Variants in ROR1 observed in about 807,000 individuals in gnomAD.
ROR1 encodes ROR family WNT receptor 1.
Under a neutral mutation model 78.8 loss-of-function variants are expected in ROR1, and 19 were observed. The observed-to-expected ratio is 0.24, with a 90% CI of 0.17 to 0.35. The LOEUF (loss-of-function observed/expected upper bound fraction) is 0.35. Among genes scored for constraint, ROR1 ranks in the 10% least tolerant of loss-of-function variants. The pLI, the probability that ROR1 is intolerant of heterozygous loss-of-function variation, is 1.00. For synonymous variants in ROR1, 386 were observed against 433.6 expected, an observed-to-expected ratio of 0.89 and a Z score of 1.36; for missense variants, 917 against 1,177.8, an observed-to-expected ratio of 0.78 and a Z score of 3.24.
chr1:63,948,067 CG>C (rs1451673153), intron 1 of ROR1, among the ~76,000 whole-genome samples: 1 of 152,112 alleles, frequency 6.6e-6, no homozygotes, highest in African/African-American at 2.4e-5. Flanking sequence ...CGCACAGAAT[CG>C]TTAGATCACT....
chr1:63,842,698 G>A (rs1645056406), intron 1 of ROR1, among the ~76,000 whole-genome samples: 2 of 150,662 alleles, frequency 1.3e-5, no homozygotes, highest in South Asian at 2.1e-4. Context: ...TTTTTTAATC[G>A]AAAGTGCCTT....
Position 63,824,889 on chromosome 1 carries a change from G to A in ROR1, c.91+50381G>A, listed in dbSNP as rs183836777. The stretch of plus-strand genomic sequence containing the variant: ...TATAATGTCTTTCTTTACAAACACT[G>A]TTGAATCCTGCTTTATTTCTCTTAA... On this transcript the variant is annotated intron_variant, in intron 1 of 8. Transcript: ENST00000371079. Among the ~76,000 whole-genome samples the A allele has an allele frequency of 2.0e-3, 298 of 152,136 alleles. 2 individuals are homozygous for A. The highest frequency in any genetic ancestry group is 6.6e-3 in the African/African-American group (274 of 41,476).
At chr1:63,937,094 AG>A (rs762278251) in intron 1 of ROR1, among the ~76,000 whole-genome samples, 38 of 152,206 alleles carry the variant, frequency 2.5e-4, no homozygotes, top group Non-Finnish European at 4.7e-4. Flanking sequence ...TAATTGGCCA[AG>A]GAATTGGGCC....
chr1:63,994,628 C>T (rs17125923), intron 1 of ROR1, among the ~76,000 whole-genome samples: 5,108 of 152,156 alleles, frequency 0.034, 275 homozygotes, highest in African/African-American at 0.11. Flanking sequence ...CAGTGTGGGA[C>T]GGTGACATGA....
intron 7 of ROR1, chr1:64,143,391 G>C (rs905519215): frequency 1.9e-5 from 19 of 974,812 alleles, no homozygotes; most frequent in Non-Finnish European, 2.3e-5. Context: ...GAAAATGTTG[G>C]TGAAACCTGG....
At chr1:64,139,982 T>C in intron 5 of ROR1, 127 bp from the exon 6 acceptor site, 1 of 828,790 alleles carries the variant, frequency 1.2e-6, no homozygotes, top group African/African-American at 1.7e-5. Flanking sequence ...TCTCCTTCTC[T>C]GGGCCTTGTC....
At chr1:64,019,403 G>A (rs1646546715) in intron 2 of ROR1, among the ~76,000 whole-genome samples, 2 of 152,092 alleles carry the variant, frequency 1.3e-5, no homozygotes, top group Admixed American at 6.6e-5. Flanking sequence ...TGTAAAATGG[G>A]GAGAATACCA....
intron 4 of ROR1, among the ~76,000 whole-genome samples, chr1:64,068,159 G>A (rs1427393141): frequency 6.6e-6 from 1 of 152,130 alleles, no homozygotes; most frequent in Admixed American, 6.6e-5. Context: ...ATATTGATCC[G>A]TGTTAAATGT....
At chr1:63,815,503 G>C (rs1289105601) in intron 1 of ROR1, among the ~76,000 whole-genome samples, 1 of 88,664 alleles carries the variant, frequency 1.1e-5, no homozygotes, top group Non-Finnish European at 2.0e-5. Flanking sequence ...TTTTTTTTGA[G>C]TACTCATGAA....
chr1:64,030,930 G>A (rs370269780), intron 2 of ROR1, among the ~76,000 whole-genome samples: 11 of 151,924 alleles, frequency 7.2e-5, no homozygotes, highest in African/African-American at 9.7e-5. Flanking sequence ...CTCACTCTTC[G>A]CCCAGACATG....
At chr1:64,132,147 C>A (rs1401857033) in intron 4 of ROR1, among the ~76,000 whole-genome samples, 1 of 152,190 alleles carries the variant, frequency 6.6e-6, no homozygotes, top group African/African-American at 2.4e-5. Flanking sequence ...TAAATGGGAT[C>A]ATACAATATG....
At chr1:63,895,052 T>C (rs1214474487) in intron 1 of ROR1, among the ~76,000 whole-genome samples, 1 of 152,182 alleles carries the variant, frequency 6.6e-6, no homozygotes, top group Non-Finnish European at 1.5e-5. Context: ...ACACATGACA[T>C]GGAGAAAGTT....
chr1:63,921,137 G>T (rs1645651187), intron 1 of ROR1, among the ~76,000 whole-genome samples: 2 of 152,108 alleles, frequency 1.3e-5, no homozygotes, highest in Admixed American at 1.3e-4. Context: ...GAAGTAACTC[G>T]GTAATCACCT....
chr1:63,915,353 G>A (rs778490527), intron 1 of ROR1, among the ~76,000 whole-genome samples: 3 of 152,156 alleles, frequency 2.0e-5, no homozygotes, highest in Non-Finnish European at 2.9e-5. Context: ...GTGGGATACA[G>A]GCTCTAAGAA....
intron 1 of ROR1, among the ~76,000 whole-genome samples, chr1:63,989,082 G>A (rs1392898634): frequency 6.6e-6 from 1 of 151,264 alleles, no homozygotes; most frequent in African/African-American, 2.4e-5. Flanking sequence ...TTCCACAGTG[G>A]CTGTACCATT....
rs189611954 is a variant in ROR1, at chr1:64,179,521, A to G, written c.*666A>G. 1 of 152,416 alleles carries G rather than the reference A, an allele frequency of 6.6e-6. No homozygotes were observed. Among genetic ancestry groups the G allele is most frequent in the Admixed American group, 6.5e-5 (1 of 15,304 alleles). 9.4% of individuals were successfully genotyped at this position (152,416 alleles called of 1,614,324 possible). ...TCCTCTGATCATGAGGGTCTTTCCC[A>G]CAGTTTCTCACAGTGTGTTTACACT... On this transcript the variant is annotated 3_prime_UTR_variant, in exon 9 of 9. Coordinates refer to ENST00000371079, the MANE Select transcript of ROR1 (RefSeq NM_005012.4).
At chr1:63,778,524 C>T (rs1005926507) in intron 1 of ROR1, among the ~76,000 whole-genome samples, 3 of 152,184 alleles carry the variant, frequency 2.0e-5, no homozygotes, top group African/African-American at 7.2e-5. Context: ...TTCCACCAGG[C>T]AGGCTGTTAA....
intron 2 of ROR1, among the ~76,000 whole-genome samples, chr1:64,022,702 A>T (rs1486065209): frequency 6.6e-6 from 1 of 152,192 alleles, no homozygotes; most frequent in Non-Finnish European, 1.5e-5. Context: ...CTAATATGAT[A>T]ATGTTGTGCT....
chr1:64,168,536 A>C (rs981405420), intron 8 of ROR1, among the ~76,000 whole-genome samples: 19 of 152,172 alleles, frequency 1.2e-4, no homozygotes, highest in African/African-American at 4.3e-4. Flanking sequence ...TATATTCTTC[A>C]GTATATTGTA....
Sources: allele counts gnomAD v4.1 joint callset (sites outside exome capture counted in the v4.1 genomes callset), GRCh38; gene constraint gnomAD v4.1.1; transcripts MANE v1.5; gene names NCBI Gene and HGNC (gene_info 2026-07-23, HGNC 2026-07-21).